Variants in DNMT1 observed in about 807,000 individuals in gnomAD.
DNMT1 encodes DNA methyltransferase 1.
DNMT1 carries 24 observed loss-of-function variants against 205.3 expected under a neutral mutation model. That is an observed-to-expected ratio of 0.12 (90% confidence interval 0.08 to 0.16). The LOEUF is 0.16. Among genes scored for constraint, DNMT1 ranks in the 10% least tolerant of loss-of-function variants. The probability of loss-of-function intolerance (pLI) is 1.00; values close to 1 mark genes in which losing one functional copy is unlikely to be tolerated. For missense variants in DNMT1, 1,293 were observed against 2,177.7 expected (o/e 0.59, Z 8.09); for synonymous variants, 817 against 839.8 (o/e 0.97, Z 0.47).
intron 28 of DNMT1, chr19:10,144,411 GAA>G (rs1046664697): frequency 3.2e-3 from 554 of 174,842 alleles, no homozygotes; most frequent in South Asian, 8.3e-3. Flanking sequence ...CCATCTCACA[GAA>G]AAAAAAAAAA....
rs190731644 is a variant in DNMT1, at chr19:10,144,619, T to G, written c.2895-632A>C. The G allele has an allele frequency of 7.2e-4, 117 of 161,406 alleles. 3 individuals carry two copies. In the East Asian group the frequency reaches 0.02, roughly 27 times the overall value. The allele number at this position is 161,406 out of a possible 1,614,324, so 10.0% of individuals were successfully genotyped here. ...ATGTCACTGCCTGGGGAATGTCCTG[T>G]GTGCTTTCCCTTGGGCTCAAACACT... On this transcript the variant is annotated intron_variant, in intron 28 of 40. Coordinates refer to ENST00000359526, the MANE Select transcript of DNMT1 (RefSeq NM_001130823.3).
At position 10,156,564 on chromosome 19, in the gene DNMT1, G is replaced by C; in HGVS notation, c.1281-55C>G. ...AGCTAAGCCGTGAAGGCGGGTCTTCGTGCAGACTTCAGATCAGGCACGAGG... is the reference window on the plus strand; with the variant it reads ...AGCTAAGCCGTGAAGGCGGGTCTTCCTGCAGACTTCAGATCAGGCACGAGG... On this transcript the variant is annotated intron_variant, in intron 17 of 40. Transcript: ENST00000359526. The surrounding 1 kb of genome is among the most constrained non-coding windows in gnomAD (Gnocchi z 4.2). 4 of 1,336,202 alleles carry C rather than the reference G, an allele frequency of 3.0e-6. No homozygotes were observed. In the South Asian group the frequency reaches 3.5e-5, roughly 12 times the overall value. The allele number at this position is 1,336,202 out of a possible 1,614,324, so 82.8% of individuals were successfully genotyped here.
At chr19:10,173,292 A>G in intron 8 of DNMT1, 118 bp from the exon 9 acceptor site, 1 of 919,366 alleles carries the variant, frequency 1.1e-6, no homozygotes, top group Non-Finnish European at 1.8e-6. Flanking sequence ...AGGAGCCCTG[A>G]CAGACACATA....
chr19:10,150,052 G>T, intron 24 of DNMT1, 84 bp from the exon 25 acceptor site: 3 of 1,175,662 alleles, frequency 2.6e-6, no homozygotes, highest in South Asian at 1.2e-5. Context: ...GTTACTTAAA[G>T]TAAGACATGA....
rs755151805 is a variant in DNMT1, at chr19:10,166,634, G to A, written c.855C>T (p.Gly285=). 12 of 1,614,034 alleles carry A rather than the reference G, an allele frequency of 7.4e-6. No homozygotes were observed. The highest frequency in any genetic ancestry group is 2.2e-5 in the South Asian group (2 of 91,084). ...CATCTTCGTCCTCGTCAGCCTGCAC[G>A]CCTGCCCTGGCTTCTCTGTCCGGCT... ...KEEPDREARA[G]VQADEDEDGD... Residue 285 remains glycine (G), a synonymous_variant, in exon 11 of 41, where the codon GGC becomes GGT. Transcript: ENST00000359526.
chr19:10,143,379 C>A (rs1236034481), intron 29 of DNMT1, among the ~76,000 whole-genome samples: 1 of 146,240 alleles, frequency 6.8e-6, no homozygotes, highest in Non-Finnish European at 1.5e-5. Context: ...CCACGCCCAG[C>A]TAGTCTTTTT....
Position 10,146,541 on chromosome 19 carries a change from G to C in DNMT1, c.2721-17C>G, listed in dbSNP as rs773471525. On this transcript the variant is annotated splice_polypyrimidine_tract_variant and intron_variant, in intron 27 of 40. Transcript: ENST00000359526. The surrounding 1 kb of genome is among the most constrained non-coding windows in gnomAD (Gnocchi z 4.4). ...ACACAGAATCTGAAGGAAACAAAGG[G>C]ACAGAAACATAAGGCCCTGAGGTGG... 9 of 1,613,768 alleles carry C rather than the reference G, an allele frequency of 5.6e-6. No homozygotes were observed. In the East Asian group the frequency reaches 2.0e-4, roughly 36 times the overall value.
Position 10,156,252 on chromosome 19 carries a change from G to A in DNMT1, c.1399+139C>T. The A allele has an allele frequency of 1.4e-6, 1 of 716,752 alleles. No homozygotes were observed. The highest frequency in any genetic ancestry group is 2.5e-6 in the Non-Finnish European group (1 of 394,756). The allele number at this position is 716,752 out of a possible 1,614,324, so 44.4% of individuals were successfully genotyped here. A position where few individuals can be genotyped will look rare whatever the true frequency, so the allele number is the denominator to read the frequency against. On this transcript the variant is annotated intron_variant, in intron 18 of 40. Coordinates refer to ENST00000359526, the MANE Select transcript of DNMT1 (RefSeq NM_001130823.3). The surrounding 1 kb of genome is among the most constrained non-coding windows in gnomAD (Gnocchi z 4.2). The stretch of plus-strand genomic sequence containing the variant: ...AATAGAGGCAGGCTCTTGCTATGTT[G>A]TCCAGGCTCGTCTCAAACTCCCGGG...
At chr19:10,189,368 A>G (rs545469665) in intron 1 of DNMT1, among the ~76,000 whole-genome samples, 20 of 150,562 alleles carry the variant, frequency 1.3e-4, no homozygotes, top group Non-Finnish European at 2.1e-4. Context: ...TGATCTGCCC[A>G]CCTTGGCCTC....
In DNMT1 at chr19:10,155,989, C is replaced by T. The variant is rs779471315; in HGVS notation, c.1400-44G>A. On this transcript the variant is annotated intron_variant, in intron 18 of 40. Transcript: ENST00000359526. ...ATGGACTAAAGGCTCTGACTCACAT[C>T]CCAAACCCAGGAGGCGCTCTAAGCG... 3.1e-6 allele frequency: 5 copies of T among 1,593,334 alleles called. No homozygotes were observed. The South Asian group carries it at 5.6e-5, about 18-fold the overall frequency.
rs550380640 is a variant in DNMT1 at position 10,146,439 on chromosome 19, G to A, written c.2806C>T (p.Arg936Trp). The A allele has an allele frequency of 6.8e-6, 11 of 1,614,076 alleles. No individual in the cohort carries two copies. Among genetic ancestry groups the A allele is most frequent in the East Asian group, 4.5e-5 (2 of 44,870 alleles). The change falls in exon 28 of 41, where the codon CGG becomes TGG. Residue 936 changes from arginine (R) to tryptophan (W), a missense_variant. Arg to Trp is a moderately radical substitution (Grantham distance 101). This residue lies in a region of DNMT1 where 112 missense variants were observed against 116.6 expected (regional missense o/e 0.96). Coordinates refer to ENST00000359526, the MANE Select transcript of DNMT1 (RefSeq NM_001130823.3). This position sits in a 1 kb window ranked among gnomAD's most constrained non-coding sequence, Gnocchi z 4.4. The stretch of plus-strand genomic sequence containing the variant: ...TTGGTGGCTGAGTAGTAGAGGACCC[G>A]GCTATCCAGGTCCTCGAGCTGCTCC... The part of the protein sequence containing the change: ...VLEQLEDLDS[R>W]VLYYSATKNG...
At chr19:10,189,733 T>G (rs562185694) in intron 1 of DNMT1, among the ~76,000 whole-genome samples, 1 of 152,240 alleles carries the variant, frequency 6.6e-6, no homozygotes, top group South Asian at 2.1e-4. Flanking sequence ...CTAATAACTT[T>G]TACACATACT....
In DNMT1 at chr19:10,179,579, T is replaced by A. The variant is rs143902083; in HGVS notation, c.493+608A>T. Reference sequence around the variant, plus strand: ...GTACACATCTAAGCTAGTTAGGAAGTGTCCAGTAATTACTAGTGAGGATGC... The same window carrying A: ...GTACACATCTAAGCTAGTTAGGAAGAGTCCAGTAATTACTAGTGAGGATGC... On this transcript the variant is annotated intron_variant, in intron 5 of 40. Transcript: ENST00000359526. Among the ~76,000 whole-genome samples, 63 of 152,226 alleles carry A rather than the reference T, an allele frequency of 4.1e-4. 1 individual carries two copies. Among genetic ancestry groups the A allele is most frequent in the East Asian group, 4.1e-3 (21 of 5,176 alleles).
In DNMT1 at chr19:10,156,080, C is replaced by T. The variant is rs1475333224; in HGVS notation, c.1400-135G>A. 4 of 865,420 alleles carry T rather than the reference C, an allele frequency of 4.6e-6. No homozygotes were observed. The Admixed American group carries it at 8.6e-5, about 19-fold the overall frequency. 53.6% of individuals were successfully genotyped at this position (865,420 alleles called of 1,614,324 possible). A position where few individuals can be genotyped will look rare whatever the true frequency, so the allele number is the denominator to read the frequency against. On this transcript the variant is annotated intron_variant, in intron 18 of 40. Transcript: ENST00000359526. This position sits in a 1 kb window ranked among gnomAD's most constrained non-coding sequence, Gnocchi z 4.2. ...TCAGTCATCACAATGACTTGGCCTA[C>T]AGCTGCTCCTGGCACAAAGTCTCAC...
intron 1 of DNMT1, among the ~76,000 whole-genome samples, chr19:10,184,769 G>C (rs943510983): frequency 1.3e-5 from 2 of 152,226 alleles, no homozygotes; most frequent in Non-Finnish European, 2.9e-5. Flanking sequence ...TAACCAGCTG[G>C]GTAAGTGTCT....
chr19:10,193,233 G>A (rs1197478042), intron 1 of DNMT1, among the ~76,000 whole-genome samples: 2 of 152,038 alleles, frequency 1.3e-5, no homozygotes, highest in East Asian at 1.9e-4. Flanking sequence ...GGTGGTGGGC[G>A]CCTGTGGTCC....
intron 9 of DNMT1, 85 bp downstream of exon 9, chr19:10,173,005 C>T (rs2038852315): frequency 4.0e-6 from 6 of 1,507,196 alleles, no homozygotes; most frequent in South Asian, 1.1e-5. Context: ...ACGTTCCCCA[C>T]CCCCTGTCCC....
In DNMT1 at chr19:10,187,135, T is replaced by C. The variant is rs1022179468; in HGVS notation, c.81-5058A>G. ...AGGGCAAAAGCATCACACTTATCCA[T>C]CTTGTTCCATAGTTAACAAACACCA... On this transcript the variant is annotated intron_variant, in intron 1 of 40. Transcript: ENST00000359526. Among the ~76,000 whole-genome samples the C allele has an allele frequency of 3.2e-4, 49 of 151,812 alleles. 1 individual carries two copies. Among genetic ancestry groups the C allele is most frequent in the South Asian group, 2.1e-4 (1 of 4,816 alleles).
intron 1 of DNMT1, chr19:10,194,489 G>A: frequency 4.3e-6 from 1 of 229,980 alleles, no homozygotes; most frequent in Non-Finnish European, 8.6e-6. Flanking sequence ...GGAGTCAAGA[G>A]CCCGGCCCAC....
Sources: allele counts gnomAD v4.1 joint callset (sites outside exome capture counted in the v4.1 genomes callset), GRCh38; gene constraint gnomAD v4.1.1; regional missense constraint gnomAD v4.1.1; non-coding constraint Gnocchi (gnomAD v3.1); transcripts MANE v1.5; gene names NCBI Gene and HGNC (gene_info 2026-07-23, HGNC 2026-07-21).